Variants in SLC8B1 observed in about 807,000 individuals in gnomAD.
SLC8B1 encodes mitochondrial sodium/calcium exchanger protein.
A neutral mutation model predicts 63.4 loss-of-function variants in SLC8B1; 52 were observed. The ratio of observed to expected loss-of-function variants is 0.82; its 90% CI spans 0.66 to 1.03. The LOEUF (loss-of-function observed/expected upper bound fraction) is 1.03. SLC8B1 is among the 50% of genes least tolerant of loss of function. The probability of loss-of-function intolerance (pLI) is 0.00; values close to 1 mark genes in which losing one functional copy is unlikely to be tolerated. For synonymous variants in SLC8B1, 336 were observed against 323.9 expected (o/e 1.04, Z -0.40); for missense variants, 657 against 741.7 (o/e 0.89, Z 1.33).
rs1233466164 is a variant in SLC8B1, at chr12:113,332,845, G to A, written c.34C>T (p.Leu12=). The change falls in exon 2 of 16, where the codon CTG becomes TTG. Residue 12 remains leucine (L), a synonymous_variant. Transcript: ENST00000680972. ...ATTAGCAGCACACAAAGCACACTCAGTGCCCAGCGCAGATTCAGCCTTCTG... is the reference window on the plus strand; with the variant it reads ...ATTAGCAGCACACAAAGCACACTCAATGCCCAGCGCAGATTCAGCCTTCTG... The part of the protein sequence containing the change: ...AGRRLNLRWA[L]SVLCVLLMAE... 6.2e-7 allele frequency: 1 copy of A among 1,614,044 alleles called. No individual in the cohort carries two copies. Among genetic ancestry groups the A allele is most frequent in the Non-Finnish European group, 8.5e-7 (1 of 1,180,030 alleles).
intron 2 of SLC8B1, among the ~76,000 whole-genome samples, chr12:113,325,056 C>G (rs976699186): frequency 6.6e-6 from 1 of 152,150 alleles, no homozygotes; most frequent in Admixed American, 6.5e-5. Flanking sequence ...TCTCTTTGAG[C>G]TTCAGTCTCA....
At position 113,303,053 on chromosome 12, in the gene SLC8B1, G is replaced by GAC. The variant is rs138136092; in HGVS notation, c.1557+1266_1557+1267dup. ...TCCTAAACTCAGCACAAAGGTGGTA[G>GAC]ACACACACACACACACGTACACACA... On this transcript the variant is annotated intron_variant, in intron 15 of 15. Transcript: ENST00000680972. 6.3e-4 allele frequency among the ~76,000 whole-genome samples: 90 copies of GAC among 142,180 alleles called. 1 individual carries two copies. The highest frequency in any genetic ancestry group is 2.2e-3 in the Admixed American group (32 of 14,456). The allele number at this position is 142,180 out of a possible 152,430, so 93.3% of individuals were successfully genotyped here. A position where few individuals can be genotyped will look rare whatever the true frequency, so the allele number is the denominator to read the frequency against.
At chr12:113,333,021 G>A (rs1423470859) in intron 1 of SLC8B1, 61 bp from the exon 2 acceptor site, 1 of 1,024,144 alleles carries the variant, frequency 9.8e-7, no homozygotes, top group Non-Finnish European at 1.4e-6. Context: ...CACAGCAAAA[G>A]GGGCTGGAAG....
At chr12:113,317,964 G>A (rs1218271056) in intron 8 of SLC8B1, among the ~76,000 whole-genome samples, 1 of 151,832 alleles carries the variant, frequency 6.6e-6, no homozygotes, top group Non-Finnish European at 1.5e-5. Context: ...GGTGTATCCT[G>A]TGTCTATACA....
intron 2 of SLC8B1, among the ~76,000 whole-genome samples, chr12:113,327,382 G>C (rs992238053): frequency 6.6e-6 from 1 of 152,064 alleles, no homozygotes; most frequent in African/African-American, 2.4e-5. Flanking sequence ...TGAACAATGG[G>C]GGCAATAACA....
At chr12:113,303,141 ACG>A (rs1555273553) in intron 15 of SLC8B1, among the ~76,000 whole-genome samples, 8,131 of 145,692 alleles carry the variant, frequency 0.056, 275 homozygotes, top group East Asian at 0.092. Flanking sequence ...ACACACACAC[ACG>A]CGCGCGCACA....
At chr12:113,306,697 G>T in intron 13 of SLC8B1, 122 bp from the exon 14 acceptor site, 1 of 769,402 alleles carries the variant, frequency 1.3e-6, no homozygotes. Context: ...GCCCAAGTGT[G>T]CCTGGGCACT....
At chr12:113,300,752 T>TA (rs1956576571) in intron 15 of SLC8B1, among the ~76,000 whole-genome samples, 1 of 152,184 alleles carries the variant, frequency 6.6e-6, no homozygotes, top group Non-Finnish European at 1.5e-5. Flanking sequence ...GATGTCATTA[T>TA]AATTCCCTCT....
intron 2 of SLC8B1, among the ~76,000 whole-genome samples, chr12:113,324,092 G>A (rs1288705363): frequency 2.0e-5 from 3 of 151,984 alleles, no homozygotes; most frequent in Non-Finnish European, 2.9e-5. Flanking sequence ...CAGGAGGATC[G>A]CTTAAGCCCA....
At chr12:113,313,302 G>A (rs948109592) in intron 11 of SLC8B1, among the ~76,000 whole-genome samples, 2 of 151,452 alleles carry the variant, frequency 1.3e-5, no homozygotes, top group South Asian at 2.1e-4. Context: ...CAGGTGACAC[G>A]GTTTCCTTTT....
rs1327253582 is a variant in SLC8B1, at chr12:113,320,921, G to A, written c.363-14C>T. ...TTGGGGCAGAAACTACGGAGAAAAAGCGGACGGGAAGCATTTCCGTAGTAA... is the reference window on the plus strand; with the variant it reads ...TTGGGGCAGAAACTACGGAGAAAAAACGGACGGGAAGCATTTCCGTAGTAA... On this transcript the variant is annotated splice_polypyrimidine_tract_variant and intron_variant, in intron 4 of 15. Coordinates refer to ENST00000680972, the MANE Select transcript of SLC8B1 (RefSeq NM_001358345.2). This position sits in a 1 kb window ranked among gnomAD's most constrained non-coding sequence, Gnocchi z 5.3. 13 of 1,603,002 alleles carry A rather than the reference G, an allele frequency of 8.1e-6. No homozygotes were observed. The highest frequency in any genetic ancestry group is 1.1e-5 in the Non-Finnish European group (13 of 1,175,824).
intron 7 of SLC8B1, chr12:113,319,847 T>C (rs976258811): frequency 4.4e-5 from 7 of 158,612 alleles, no homozygotes; most frequent in African/African-American, 1.4e-4. Flanking sequence ...TGGAGTGCCA[T>C]GGCACAATCA....
chr12:113,301,869 T>C (rs1379105078), intron 15 of SLC8B1, among the ~76,000 whole-genome samples: 3 of 152,186 alleles, frequency 2.0e-5, no homozygotes, highest in Non-Finnish European at 2.9e-5. Flanking sequence ...TGCCTGACTC[T>C]GAACTTGGGA....
At chr12:113,327,795 C>T (rs1957013245) in intron 2 of SLC8B1, among the ~76,000 whole-genome samples, 1 of 151,874 alleles carries the variant, frequency 6.6e-6, no homozygotes, top group Non-Finnish European at 1.5e-5. Context: ...CCAGCCTGAC[C>T]AACATGGTGA....
Position 113,306,535 on chromosome 12 carries a change from T to C in SLC8B1, c.1452A>G (p.Pro484=), listed in dbSNP as rs1384461170. ...SDFTLARQGY[P]RMAFSACFGG... Reference sequence around the variant, plus strand: ...CAAAGCAGGCGGAGAACGCCATCCGTGGGTAGCCCTGGCGAGCCAGTGTGA... The same window carrying C: ...CAAAGCAGGCGGAGAACGCCATCCGCGGGTAGCCCTGGCGAGCCAGTGTGA... Residue 484 remains proline, a synonymous_variant, in exon 14 of 16, where the codon CCA becomes CCG. Coordinates refer to ENST00000680972, the MANE Select transcript of SLC8B1 (RefSeq NM_001358345.2). 6.2e-7 allele frequency: 1 copy of C among 1,613,926 alleles called. No homozygotes were observed. Among genetic ancestry groups the C allele is most frequent in the South Asian group, 1.1e-5 (1 of 91,084 alleles).
rs766519642 is a variant in SLC8B1 at position 113,316,947 on chromosome 12, T to C, written c.857A>G (p.Asp286Gly). The change falls in exon 9 of 16, where the codon GAC becomes GGC. Residue 286 changes from aspartate (D) to glycine (G), a missense_variant. Asp to Gly is a moderately conservative substitution (Grantham distance 94, BLOSUM62 -1). Coordinates refer to ENST00000680972, the MANE Select transcript of SLC8B1 (RefSeq NM_001358345.2). ...DRVSSNTNSY[D>G]YGDEYRPLFF... ...GGCACAGGGCACGGACTCACCGTAG[T>C]CATAGCTGTTGGTATTAGAAGATAC... 11 of 1,613,498 alleles carry C rather than the reference T, an allele frequency of 6.8e-6. No individual in the cohort carries two copies. The South Asian group carries it at 1.2e-4, about 18-fold the overall frequency.
At chr12:113,332,259 G>A (rs1400443355) in intron 2 of SLC8B1, among the ~76,000 whole-genome samples, 1 of 152,150 alleles carries the variant, frequency 6.6e-6, no homozygotes, top group Non-Finnish European at 1.5e-5. Context: ...CACCTGAAAT[G>A]TATATGCTTA....
chr12:113,328,022 A>C (rs1390617288), intron 2 of SLC8B1, among the ~76,000 whole-genome samples: 1 of 143,106 alleles, frequency 7.0e-6, no homozygotes, highest in Non-Finnish European at 1.5e-5. Context: ...TCTAAGTTTT[A>C]ATTATTTATT....
At chr12:113,310,460 G>A in intron 11 of SLC8B1, 105 bp from the exon 12 acceptor site, 1 of 1,416,746 alleles carries the variant, frequency 7.1e-7, no homozygotes, top group Admixed American at 2.6e-5. Flanking sequence ...GCCCAGCCCT[G>A]TCCTAGACAC....
Sources: gnomAD v4.1 joint callset for allele counts (sites outside exome capture counted in the v4.1 genomes callset) on GRCh38, gnomAD v4.1.1 for gene constraint, Gnocchi (gnomAD v3.1) non-coding constraint, MANE v1.5 for transcripts, NCBI Gene and HGNC (gene_info 2026-07-23, HGNC 2026-07-21) for gene names.